RPSA2: variants seen among roughly 807,000 people sequenced by gnomAD.
RPSA2 encodes the protein small ribosomal subunit protein uS2B.
chr19:23,869,134 ACTC>A, the RPSA2 span, among the ~76,000 whole-genome samples: 2 of 151,848 alleles, frequency 1.3e-5, no homozygotes, highest in African/African-American at 2.4e-5. Context: ...TTGGAGTGAC[ACTC>A]CTCCTGAGAT....
chr19:23,830,051 GT>G, the RPSA2 span, among the ~76,000 whole-genome samples: 2 of 148,288 alleles, frequency 1.3e-5, no homozygotes, highest in African/African-American at 2.5e-5. Flanking sequence ...ACTTTGGAAG[GT>G]TTTTTTTTTT....
the RPSA2 span, among the ~76,000 whole-genome samples, chr19:23,849,733 T>A: frequency 6.6e-6 from 1 of 152,144 alleles, no homozygotes; most frequent in Admixed American, 6.5e-5. Flanking sequence ...GGAGCAATTG[T>A]TTTTTAAATA....
the RPSA2 span, among the ~76,000 whole-genome samples, chr19:23,804,294 C>T: frequency 3.5e-5 from 5 of 142,544 alleles, no homozygotes; most frequent in Admixed American, 7.0e-5. Context: ...CCTCATTTTT[C>T]TTTTTCTTTT....
chr19:23,789,667 C>G, the RPSA2 span, among the ~76,000 whole-genome samples: 1 of 151,880 alleles, frequency 6.6e-6, no homozygotes, highest in South Asian at 2.1e-4. Flanking sequence ...TCGGGTGGCA[C>G]AGACAGTGTC....
the RPSA2 span, among the ~76,000 whole-genome samples, chr19:23,829,640 G>T: frequency 6.6e-6 from 1 of 152,218 alleles, no homozygotes; most frequent in East Asian, 1.9e-4. Context: ...TGGTACCTTG[G>T]GGACTACATA....
the RPSA2 span, among the ~76,000 whole-genome samples, chr19:23,819,608 A>AT: frequency 3.3e-5 from 5 of 152,168 alleles, no homozygotes; most frequent in African/African-American, 1.2e-4. Context: ...CCAGCCATGA[A>AT]TTTTTTGCAT....
At chr19:23,764,255 C>T in the RPSA2 span, among the ~76,000 whole-genome samples, 58 of 152,276 alleles carry the variant, frequency 3.8e-4, no homozygotes, top group East Asian at 0.011. Context: ...ATCCACTACC[C>T]TCTTCCCCTA....
chr19:23,865,307 A>C, the RPSA2 span, among the ~76,000 whole-genome samples: 1 of 152,364 alleles, frequency 6.6e-6, no homozygotes, highest in African/African-American at 2.4e-5. Flanking sequence ...CTGGATCTCA[A>C]GTTAATTCAC....
the RPSA2 span, among the ~76,000 whole-genome samples, chr19:23,862,734 T>C: frequency 1.3e-5 from 2 of 148,488 alleles, no homozygotes; most frequent in African/African-American, 2.5e-5. Flanking sequence ...CAGGTGCACA[T>C]GTACCCTAAA....
the RPSA2 span, among the ~76,000 whole-genome samples, chr19:23,864,222 G>A: frequency 9.9e-5 from 15 of 152,144 alleles, no homozygotes; most frequent in African/African-American, 1.9e-4. Flanking sequence ...AAGACACAAC[G>A]CATGGCCTGC....
the RPSA2 span, among the ~76,000 whole-genome samples, chr19:23,859,526 CTTAG>C: frequency 1.3e-5 from 2 of 152,092 alleles, no homozygotes; most frequent in African/African-American, 4.8e-5. Flanking sequence ...ACCCAGGATG[CTTAG>C]TTAGGAGAAT....
chr19:23,779,222 G>A, the RPSA2 span, among the ~76,000 whole-genome samples: 5 of 151,680 alleles, frequency 3.3e-5, no homozygotes, highest in East Asian at 7.8e-4. Context: ...GGATGGTCTC[G>A]ATCTCCTGAC....
chr19:23,865,950 G>C, the RPSA2 span, among the ~76,000 whole-genome samples: 12 of 152,240 alleles, frequency 7.9e-5, no homozygotes, highest in East Asian at 2.3e-3. Context: ...AAAACCTTTG[G>C]CTTGCACTTG....
chr19:23,871,088 A>G, the RPSA2 span, among the ~76,000 whole-genome samples: 1 of 152,138 alleles, frequency 6.6e-6, no homozygotes, highest in Non-Finnish European at 1.5e-5. Context: ...TACTCAATAA[A>G]TATAAAGGGC....
At chr19:23,797,547 TTGAA>T in the RPSA2 span, among the ~76,000 whole-genome samples, 1 of 152,234 alleles carries the variant, frequency 6.6e-6, no homozygotes, top group African/African-American at 2.4e-5. Flanking sequence ...TTTCTTTTTG[TTGAA>T]TTATATTTTT....
chr19:23,867,920 T>A, the RPSA2 span, among the ~76,000 whole-genome samples: 6 of 151,880 alleles, frequency 4.0e-5, no homozygotes, highest in Non-Finnish European at 8.8e-5. Flanking sequence ...ACCTTTAGAA[T>A]GGCTTAGTGA....
At chr19:23,865,876 G>A in the RPSA2 span, among the ~76,000 whole-genome samples, 1 of 152,216 alleles carries the variant, frequency 6.6e-6, no homozygotes, top group Non-Finnish European at 1.5e-5. Flanking sequence ...GGAGTGCAAA[G>A]CCCATTCACT....
At chr19:23,866,340 A>G in the RPSA2 span, among the ~76,000 whole-genome samples, 1 of 152,244 alleles carries the variant, frequency 6.6e-6, no homozygotes, top group African/African-American at 2.4e-5. Flanking sequence ...TATGAAATGC[A>G]AATGCAGATT....
chr19:23,831,755 G>T, the RPSA2 span: 1 of 282,658 alleles, frequency 3.5e-6, no homozygotes, highest in Admixed American at 3.7e-5. Flanking sequence ...GCACAAAGAA[G>T]GTTATAATGG....
Sources: gnomAD v4.1 joint callset for allele counts (sites outside exome capture counted in the v4.1 genomes callset) on GRCh38, gnomAD v4.1.1 for gene constraint, MANE v1.5 for transcripts, NCBI Gene and HGNC (gene_info 2026-07-23, HGNC 2026-07-21) for gene names.